The following PRCP variants were observed in gnomAD, a reference collection of about 807,000 sequenced individuals.
PRCP encodes lysosomal Pro-X carboxypeptidase.
A neutral mutation model predicts 54.2 loss-of-function variants in PRCP; 46 were observed. That is an observed-to-expected ratio of 0.85 (90% confidence interval 0.67 to 1.09). The LOEUF (loss-of-function observed/expected upper bound fraction) is 1.09, where lower values mean the gene tolerates loss of function less well. Ranked by LOEUF, PRCP falls within the 50% of genes least tolerant of loss-of-function variation. The pLI, the probability that PRCP is intolerant of heterozygous loss-of-function variation, is 0.00. For synonymous variants in PRCP, 240 were observed against 212.2 expected (o/e 1.13, Z -1.14); for missense variants, 613 against 596.8 (o/e 1.03, Z -0.28).
intron 2 of PRCP, chr11:82,858,272 A>G (rs1040093877): frequency 2.6e-5 from 4 of 152,274 alleles, no homozygotes; most frequent in African/African-American, 9.6e-5. Flanking sequence ...GGCACAGAAC[A>G]AGAAACTTAC....
chr11:82,901,474 G>A (rs1400173743), upstream of PRCP: 1 of 158,976 alleles, frequency 6.3e-6, no homozygotes, highest in Non-Finnish European at 1.4e-5. Flanking sequence ...CAGACCCCAG[G>A]GCGCTGCGGC....
chr11:82,825,008 A>T lies in PRCP; in HGVS notation c.1389T>A (p.Asn463Lys), dbSNP rs1242365943. 6.2e-7 allele frequency: 1 copy of T among 1,614,168 alleles called. No individual in the cohort carries two copies. Among genetic ancestry groups the T allele is most frequent in the Non-Finnish European group, 8.5e-7 (1 of 1,180,010 alleles). ...ACAGCACAGACATAGGATCCAAGGC[A>T]TTCTTGGTGCGGAGATCTAAGTGGT... ...GAHHLDLRTKNALDPMSVLLA... is the reference protein window; with the variant it reads ...GAHHLDLRTKKALDPMSVLLA... The change falls in exon 9 of 9, where the codon AAT becomes AAA. Residue 463 changes from asparagine (N) to lysine (K), a missense_variant. Transcript: ENST00000313010.
At chr11:82,884,277 T>C (rs1334601952) in intron 1 of PRCP, among the ~76,000 whole-genome samples, 1 of 152,100 alleles carries the variant, frequency 6.6e-6, no homozygotes, top group Non-Finnish European at 1.5e-5. Context: ...ATATCATTTG[T>C]GCTGGGCACA....
At chr11:82,881,894 C>A (rs974827440) in intron 1 of PRCP, among the ~76,000 whole-genome samples, 6 of 152,182 alleles carry the variant, frequency 3.9e-5, no homozygotes, top group Admixed American at 1.3e-4. Context: ...CTTTGACTCC[C>A]AAAAACTTAA....
chr11:82,886,135 G>C (rs530305917), intron 1 of PRCP, among the ~76,000 whole-genome samples: 1 of 152,158 alleles, frequency 6.6e-6, no homozygotes, highest in Non-Finnish European at 1.5e-5. Flanking sequence ...TCAGAAGAAA[G>C]TTCTGTATAA....
upstream of PRCP, chr11:82,900,636 C>T (rs1860262385): frequency 1.5e-6 from 1 of 675,632 alleles, no homozygotes; most frequent in Non-Finnish European, 2.7e-6. Flanking sequence ...GTGCCATCTG[C>T]TCCTTAGCAC....
At chr11:82,877,528 C>G (rs1859637434) in intron 1 of PRCP, among the ~76,000 whole-genome samples, 1 of 152,198 alleles carries the variant, frequency 6.6e-6, no homozygotes, top group African/African-American at 2.4e-5. Flanking sequence ...GCCCTGTGTC[C>G]TAGCCACTCC....
chr11:82,858,326 G>T (rs183805772), intron 2 of PRCP: 1 of 152,192 alleles, frequency 6.6e-6, no homozygotes, highest in Admixed American at 6.5e-5. Flanking sequence ...TTCAAACCTT[G>T]TCTATCTGAC....
At chr11:82,841,261 AGCG>A (rs1858661330) in intron 6 of PRCP, among the ~76,000 whole-genome samples, 3 of 147,352 alleles carry the variant, frequency 2.0e-5, no homozygotes, top group Non-Finnish European at 3.0e-5. Flanking sequence ...ACCAGCTGCC[AGCG>A]GGGGAAAAAA....
chr11:82,880,691 C>T (rs1859726898), intron 1 of PRCP, among the ~76,000 whole-genome samples: 1 of 152,156 alleles, frequency 6.6e-6, no homozygotes, highest in African/African-American at 2.4e-5. Flanking sequence ...TTTAGAAACA[C>T]AGTCCAAATC....
At chr11:82,897,893 G>A (rs1860154618) in intron 1 of PRCP, among the ~76,000 whole-genome samples, 2 of 152,032 alleles carry the variant, frequency 1.3e-5, no homozygotes, top group Admixed American at 6.6e-5. Flanking sequence ...TTGGTCACTG[G>A]GGCAGATATA....
chr11:82,827,085 A>G (rs554449454), intron 8 of PRCP: 1 of 152,272 alleles, frequency 6.6e-6, no homozygotes, highest in South Asian at 2.1e-4. Context: ...GAACATTTTT[A>G]TGGGTGTCCT....
At chr11:82,838,063 T>G (rs888175433) in intron 8 of PRCP, among the ~76,000 whole-genome samples, 2 of 152,200 alleles carry the variant, frequency 1.3e-5, no homozygotes, top group South Asian at 2.1e-4. Context: ...TGAAAATTTT[T>G]TATTACCATC....
At chr11:82,894,100 A>G (rs974854357) in intron 1 of PRCP, among the ~76,000 whole-genome samples, 4 of 152,172 alleles carry the variant, frequency 2.6e-5, no homozygotes, top group Non-Finnish European at 5.9e-5. Flanking sequence ...ACCATATAAA[A>G]AAATAAAAAG....
intron 1 of PRCP, among the ~76,000 whole-genome samples, chr11:82,861,620 T>C (rs1859209623): frequency 1.3e-5 from 2 of 152,168 alleles, no homozygotes; most frequent in African/African-American, 4.8e-5. Flanking sequence ...CATTTCATCT[T>C]AATCCAGCCT....
chr11:82,901,204 T>C (rs775765617), upstream of PRCP, among the ~76,000 whole-genome samples: 38 of 152,210 alleles, frequency 2.5e-4, no homozygotes, highest in South Asian at 4.1e-4. Context: ...GCACAACCCA[T>C]CCATTACACA....
intron 1 of PRCP, among the ~76,000 whole-genome samples, chr11:82,887,955 T>C (rs752578149): frequency 9.9e-5 from 15 of 152,184 alleles, no homozygotes; most frequent in Non-Finnish European, 1.8e-4. Flanking sequence ...TTTTGTTCCA[T>C]CACTTTTCTA....
At chr11:82,848,726 T>G (rs138154032) in intron 6 of PRCP, among the ~76,000 whole-genome samples, 1 of 152,200 alleles carries the variant, frequency 6.6e-6, no homozygotes, top group Non-Finnish European at 1.5e-5. Context: ...ACATTATACA[T>G]GCAAAGTACA....
chr11:82,885,512 T>C (rs539192888), intron 1 of PRCP, among the ~76,000 whole-genome samples: 2 of 152,362 alleles, frequency 1.3e-5, no homozygotes, highest in Admixed American at 1.3e-4. Context: ...ATTTTCAGTC[T>C]AATATCCTTT....
Sources: gnomAD v4.1 joint callset for allele counts (sites outside exome capture counted in the v4.1 genomes callset) on GRCh38, gnomAD v4.1.1 for gene constraint, MANE v1.5 for transcripts, NCBI Gene and HGNC (gene_info 2026-07-23, HGNC 2026-07-21) for gene names.